Variants in ANK2 observed in about 807,000 individuals in gnomAD.
ANK2 encodes ankyrin 2.
Under a neutral mutation model 360.5 loss-of-function variants are expected in ANK2, and 83 were observed. The observed-to-expected ratio is 0.23, with a 90% CI of 0.19 to 0.28. The LOEUF is 0.28. ANK2 is among the 10% of genes least tolerant of loss of function. ANK2 has a pLI of 1.00. For synonymous variants in ANK2, 1,740 were observed against 1,759.5 expected, an observed-to-expected ratio of 0.99 and a Z score of 0.28; for missense variants, 4,201 against 4,795.7, an observed-to-expected ratio of 0.88 and a Z score of 3.66.
chr4:113,233,378 G>A (rs983489231), intron 5 of ANK2, among the ~76,000 whole-genome samples: 1 of 151,130 alleles, frequency 6.6e-6, no homozygotes, highest in Non-Finnish European at 1.5e-5. Context: ...CTCGTGATCC[G>A]CCCGCCTCGG....
the ANK2 span, among the ~76,000 whole-genome samples, chr4:112,727,656 A>G: frequency 6.6e-6 from 1 of 152,188 alleles, no homozygotes; most frequent in Non-Finnish European, 1.5e-5. Context: ...AAGAGAAGAC[A>G]TTACAATTGA....
intron 1 of ANK2, among the ~76,000 whole-genome samples, chr4:113,108,533 A>G (rs1476985371): frequency 1.3e-5 from 2 of 152,174 alleles, no homozygotes; most frequent in East Asian, 3.8e-4. Flanking sequence ...GAATGTACAC[A>G]TATTATAGAA....
intron 2 of ANK2, among the ~76,000 whole-genome samples, chr4:112,929,080 C>A (rs962763393): frequency 6.6e-6 from 1 of 152,002 alleles, no homozygotes; most frequent in African/African-American, 2.4e-5. Context: ...CTCGAACTCC[C>A]AACCTCAGGT....
At chr4:112,901,933 G>A (rs193128091) in intron 1 of ANK2, among the ~76,000 whole-genome samples, 58 of 151,918 alleles carry the variant, frequency 3.8e-4, no homozygotes, top group African/African-American at 1.3e-3. Context: ...TTATTCAACA[G>A]CCAGGGGCCA....
At chr4:112,831,530 A>G (rs112619687) in intron 1 of ANK2, among the ~76,000 whole-genome samples, 3,258 of 152,214 alleles carry the variant, frequency 0.021, 97 homozygotes, top group African/African-American at 0.073. Flanking sequence ...AAATACACCA[A>G]TCAGCACCCT....
At chr4:113,007,774 C>T (rs992266696) in intron 2 of ANK2, among the ~76,000 whole-genome samples, 5 of 152,154 alleles carry the variant, frequency 3.3e-5, no homozygotes, top group African/African-American at 9.7e-5. Context: ...AATTAAAACA[C>T]GTATTAGCCT....
chr4:112,793,382 G>A, the ANK2 span, among the ~76,000 whole-genome samples: 1 of 151,904 alleles, frequency 6.6e-6, no homozygotes, highest in Non-Finnish European at 1.5e-5. Flanking sequence ...TGAAAGACCA[G>A]AATAATATTT....
chr4:113,350,932 G>C (rs1467045605), intron 37 of ANK2: 1 of 151,986 alleles, frequency 6.6e-6, no homozygotes, highest in African/African-American at 2.4e-5. Flanking sequence ...TTATTATAGG[G>C]TTAATTTTAA....
At chr4:112,845,136 C>G (rs759838525) in intron 1 of ANK2, among the ~76,000 whole-genome samples, 1 of 152,106 alleles carries the variant, frequency 6.6e-6, no homozygotes, top group Admixed American at 6.5e-5. Flanking sequence ...AAACACTTAT[C>G]AAAACTTTTT....
intron 22 of ANK2, among the ~76,000 whole-genome samples, chr4:113,298,531 A>G (rs1285200888): frequency 6.6e-6 from 1 of 152,244 alleles, no homozygotes; most frequent in Non-Finnish European, 1.5e-5. Context: ...ATTGACTACT[A>G]TTTGTAAAGC....
At chr4:113,306,738 G>A (rs67372598) in intron 23 of ANK2, among the ~76,000 whole-genome samples, 17,609 of 152,096 alleles carry the variant, frequency 0.12, 1,066 homozygotes, top group African/African-American at 0.12. Flanking sequence ...TGGAGAATGA[G>A]GCCTAGAGAC....
intron 4 of ANK2, among the ~76,000 whole-genome samples, chr4:113,215,659 C>G (rs1328249044): frequency 6.6e-6 from 1 of 152,048 alleles, no homozygotes; most frequent in Non-Finnish European, 1.5e-5. Flanking sequence ...AAAGCATTTG[C>G]TACAAACAGC....
intron 35 of ANK2, 40 bp downstream of exon 35, chr4:113,346,062 G>C: frequency 6.2e-7 from 1 of 1,609,682 alleles, no homozygotes; most frequent in Non-Finnish European, 8.5e-7. Flanking sequence ...AGGTAGAGTA[G>C]GAATTGATTT....
intron 2 of ANK2, among the ~76,000 whole-genome samples, chr4:112,910,896 A>G (rs2086944717): frequency 6.6e-6 from 1 of 151,786 alleles, no homozygotes. Context: ...ATAATTTATC[A>G]TAATTGGCAG....
At chr4:112,899,597 G>T (rs1167514714) in intron 1 of ANK2, among the ~76,000 whole-genome samples, 1 of 152,108 alleles carries the variant, frequency 6.6e-6, no homozygotes, top group African/African-American at 2.4e-5. Flanking sequence ...TAAGTAGTAT[G>T]AGAATTATAT....
Position 113,297,632 on chromosome 4 carries a change from G to A in ANK2, c.2475+4094G>A, listed in dbSNP as rs1044455508. On this transcript the variant is annotated intron_variant, in intron 22 of 45. Coordinates refer to ENST00000357077, the MANE Select transcript of ANK2 (RefSeq NM_001148.6). ...TGTAAAGTCATTTGACACCTTTTGAGGTAGAGCCAAGATCTTTTCTTTAAA... is the reference window on the plus strand; with the variant it reads ...TGTAAAGTCATTTGACACCTTTTGAAGTAGAGCCAAGATCTTTTCTTTAAA... 2.7e-4 allele frequency among the ~76,000 whole-genome samples: 41 copies of A among 151,962 alleles called. 1 individual carries two copies. Among genetic ancestry groups the A allele is most frequent in the African/African-American group, 9.2e-4 (38 of 41,342 alleles).
intron 35 of ANK2, among the ~76,000 whole-genome samples, chr4:113,347,612 C>T (rs1406263240): frequency 1.3e-5 from 2 of 152,042 alleles, no homozygotes; most frequent in African/African-American, 4.8e-5. Context: ...GTACAATTTT[C>T]TAATTTGTAA....
At chr4:113,070,402 T>C (rs1332905205) in intron 1 of ANK2, among the ~76,000 whole-genome samples, 3 of 152,158 alleles carry the variant, frequency 2.0e-5, no homozygotes, top group Non-Finnish European at 2.9e-5. Context: ...GGTGATTTTC[T>C]AACCAAAAAT....
intron 1 of ANK2, among the ~76,000 whole-genome samples, chr4:112,893,199 G>A (rs539100849): frequency 6.6e-6 from 1 of 152,260 alleles, no homozygotes; most frequent in Non-Finnish European, 1.5e-5. Flanking sequence ...ATTTGGGAAA[G>A]TGCATTATAC....
Sources: gnomAD v4.1 joint callset for allele counts (sites outside exome capture counted in the v4.1 genomes callset) on GRCh38, gnomAD v4.1.1 for gene constraint, MANE v1.5 for transcripts, NCBI Gene and HGNC (gene_info 2026-07-23, HGNC 2026-07-21) for gene names.